The following PDXDC1 variants were observed in gnomAD, a reference collection of about 807,000 sequenced individuals.
PDXDC1 encodes pyridoxal-dependent decarboxylase domain-containing protein 1.
PDXDC1 carries 42 observed loss-of-function variants against 100.1 expected under a neutral mutation model. The observed-to-expected ratio is 0.42, with a 90% CI of 0.33 to 0.54. PDXDC1 has a LOEUF of 0.54. Ranked by LOEUF, PDXDC1 falls within the 20% of genes least tolerant of loss-of-function variation. The pLI, the probability that PDXDC1 is intolerant of heterozygous loss-of-function variation, is 0.10. For missense variants in PDXDC1, 636 were observed against 979.2 expected, an observed-to-expected ratio of 0.65 and a Z score of 4.68; for synonymous variants, 260 against 371.7, an observed-to-expected ratio of 0.70 and a Z score of 3.46.
chr16:15,047,934 A>G (rs1367911188), intron 16 of PDXDC1: 1 of 1,610,366 alleles, frequency 6.2e-7, no homozygotes, highest in Admixed American at 1.7e-5. Flanking sequence ...TTTAAAAAAG[A>G]AATAAAATAA....
At chr16:15,039,190 A>G (rs1381697189), downstream of PDXDC1, among the ~76,000 whole-genome samples, 1 of 152,238 alleles carries the variant, frequency 6.6e-6, no homozygotes, top group Non-Finnish European at 1.5e-5. Context: ...TGGCAGCCTC[A>G]GCTTACCTAG....
chr16:15,150,004 A>T, the PDXDC1 span, among the ~76,000 whole-genome samples: 2 of 151,990 alleles, frequency 1.3e-5, no homozygotes, highest in African/African-American at 2.4e-5. Context: ...CAGTTTCTTC[A>T]ACAAATTGCA....
chr16:15,029,684 G>A (rs371500679), intron 15 of PDXDC1: 54 of 546,794 alleles, frequency 9.9e-5, no homozygotes, highest in South Asian at 8.3e-4. Context: ...AGTGGGTGTC[G>A]CTTAGTAATA....
intron 16 of PDXDC1, chr16:15,125,474 C>T (rs374889059): frequency 4.2e-6 from 4 of 947,678 alleles, no homozygotes; most frequent in East Asian, 2.4e-5. Context: ...CCAGCAAGGA[C>T]ACGCAGCCCG....
Position 15,044,456 on chromosome 16 carries a change from G to A in PDXDC1, c.1399+14400G>A, listed in dbSNP as rs202143852. 389 of 1,183,402 alleles carry A rather than the reference G, an allele frequency of 3.3e-4. 1 individual carries two copies. The highest frequency in any genetic ancestry group is 9.8e-4 in the Middle Eastern group (5 of 5,114). 73.3% of individuals were successfully genotyped at this position (1,183,402 alleles called of 1,614,324 possible). The stretch of plus-strand genomic sequence containing the variant: ...AGAGGCCAGAAGAAGACACCGGTGC[G>A]TGCGCTGGTCTCACTTTGAACTTTC... On this transcript the variant is annotated intron_variant, in intron 16 of 16. Coordinates refer to the PDXDC1 transcript ENST00000535621.
rs553065161 is a variant in PDXDC1, at chr16:15,137,422, G to A, written c.1400-1457G>A. ...AGAGGGCTGCGAGGCCCTGGCCGGT[G>A]GAGAAGCAGAAGGCGCTGCAGGCCT... On this transcript the variant is annotated intron_variant, in intron 16 of 16. Transcript: ENST00000535621. 5.0e-3 allele frequency: 7,093 copies of A among 1,431,094 alleles called. 28 individuals carry two copies. The highest frequency in any genetic ancestry group is 8.8e-3 in the Middle Eastern group (37 of 4,202). 88.6% of individuals were successfully genotyped at this position (1,431,094 alleles called of 1,614,324 possible).
chr16:15,100,431 A>G (rs1462142439), intron 16 of PDXDC1, among the ~76,000 whole-genome samples: 2 of 152,194 alleles, frequency 1.3e-5, no homozygotes, highest in Non-Finnish European at 1.5e-5. Context: ...AGCGTTCCTC[A>G]TCCCAGTATC....
chr16:15,003,959 G>A (rs1196295331), intron 4 of PDXDC1, among the ~76,000 whole-genome samples: 6 of 152,262 alleles, frequency 3.9e-5, no homozygotes, highest in Non-Finnish European at 7.3e-5. Context: ...ACCCCAGCTT[G>A]GGCATCAAGA....
chr16:15,047,123 T>G (rs934161567), intron 16 of PDXDC1: 1 of 372,286 alleles, frequency 2.7e-6, no homozygotes, highest in Non-Finnish European at 5.0e-6. Context: ...GAGGAATGAC[T>G]GCATGGAGAG....
intron 21 of PDXDC1, among the ~76,000 whole-genome samples, chr16:15,034,768 C>G (rs1338572205): frequency 6.6e-6 from 1 of 152,204 alleles, no homozygotes; most frequent in Admixed American, 6.5e-5. Context: ...CAGCTACCCA[C>G]TCTCCACAGC....
chr16:15,129,058 G>T (rs1018103621), intron 16 of PDXDC1, among the ~76,000 whole-genome samples: 32 of 151,684 alleles, frequency 2.1e-4, no homozygotes, highest in Admixed American at 1.6e-3. Flanking sequence ...GCCTGCCTCG[G>T]CCTCCCAAAG....
chr16:15,103,544 C>A (rs1336274884), intron 16 of PDXDC1, among the ~76,000 whole-genome samples: 11 of 151,724 alleles, frequency 7.3e-5, no homozygotes, highest in Middle Eastern at 3.4e-3. Context: ...CGCTCTGTCA[C>A]CCAGGCTAGA....
intron 16 of PDXDC1, among the ~76,000 whole-genome samples, chr16:15,030,905 C>G (rs891934469): frequency 5.9e-5 from 9 of 152,054 alleles, no homozygotes; most frequent in Admixed American, 5.2e-4. Flanking sequence ...AACCAGTGGC[C>G]GCCCACCCCC....
At chr16:15,129,597 C>A (rs1308748917) in intron 16 of PDXDC1, among the ~76,000 whole-genome samples, 1 of 152,224 alleles carries the variant, frequency 6.6e-6, no homozygotes, top group Non-Finnish European at 1.5e-5. Context: ...CACGGTCTCC[C>A]ACAGTGGTAG....
intron 16 of PDXDC1, among the ~76,000 whole-genome samples, chr16:15,088,052 G>GT (rs1331238801): frequency 6.6e-6 from 1 of 152,000 alleles, no homozygotes; most frequent in South Asian, 2.1e-4. Context: ...GGAGGCAGAG[G>GT]TTGCAGTGAG....
intron 16 of PDXDC1, among the ~76,000 whole-genome samples, chr16:15,083,071 G>A (rs1398351583): frequency 2.6e-5 from 4 of 152,200 alleles, no homozygotes; most frequent in Admixed American, 6.5e-5. Context: ...ATTCTTAGAC[G>A]TCAGTTTAAA....
chr16:15,082,718 C>T (rs1211398125), intron 16 of PDXDC1, among the ~76,000 whole-genome samples: 3 of 151,830 alleles, frequency 2.0e-5, no homozygotes, highest in African/African-American at 4.8e-5. Context: ...TAACATCAGT[C>T]GCACTTGGTC....
chr16:15,048,356 GC>G (rs1184817867), intron 16 of PDXDC1, among the ~76,000 whole-genome samples: 5 of 152,150 alleles, frequency 3.3e-5, no homozygotes, highest in African/African-American at 1.2e-4. Context: ...GAAATGAGAT[GC>G]AAAAATCCTT....
intron 16 of PDXDC1, chr16:15,044,690 A>T: frequency 2.0e-6 from 1 of 497,634 alleles, no homozygotes; most frequent in Non-Finnish European, 3.6e-6. Flanking sequence ...GCTCTGGAAG[A>T]GCACAGGCAC....
Sources: allele counts gnomAD v4.1 joint callset (sites outside exome capture counted in the v4.1 genomes callset), GRCh38; gene constraint gnomAD v4.1.1; transcripts MANE v1.5; gene names NCBI Gene and HGNC (gene_info 2026-07-23, HGNC 2026-07-21).